NMT2: variants seen among roughly 807,000 people sequenced by gnomAD.
NMT2 encodes the protein N-myristoyltransferase 2.
NMT2 carries 35 observed loss-of-function variants against 65.4 expected under a neutral mutation model. That is an observed-to-expected ratio of 0.54 (90% CI 0.41 to 0.71). The LOEUF (loss-of-function observed/expected upper bound fraction) is 0.71. NMT2 is among the 30% of genes least tolerant of loss of function. NMT2 has a pLI of 0.00. For synonymous variants in NMT2, 226 were observed against 231.8 expected (o/e 0.98, Z 0.23); for missense variants, 489 against 611.3 (o/e 0.80, Z 2.11).
intron 1 of NMT2, among the ~76,000 whole-genome samples, chr10:15,168,022 T>C (rs1833432787): frequency 1.3e-5 from 2 of 152,152 alleles, no homozygotes; most frequent in South Asian, 4.1e-4. Flanking sequence ...ACCCACGTCT[T>C]TGCCCATTCT....
chr10:15,115,621 A>T (rs1845717662), intron 9 of NMT2, among the ~76,000 whole-genome samples: 1 of 152,214 alleles, frequency 6.6e-6, no homozygotes, highest in Non-Finnish European at 1.5e-5. Context: ...CTTTTATGTA[A>T]GTGGTCTAAA....
At chr10:15,136,528 C>G (rs556011454) in intron 2 of NMT2, among the ~76,000 whole-genome samples, 13 of 151,944 alleles carry the variant, frequency 8.6e-5, no homozygotes, top group African/African-American at 3.1e-4. Context: ...AATCTGAACT[C>G]AGTGCTGAAC....
intron 1 of NMT2, among the ~76,000 whole-genome samples, chr10:15,164,702 G>T (rs572534536): frequency 5.5e-4 from 84 of 152,278 alleles, no homozygotes; most frequent in African/African-American, 2.0e-3. Context: ...AAAGATCCTT[G>T]AGCATCTTAA....
intron 1 of NMT2, among the ~76,000 whole-genome samples, chr10:15,156,788 C>A (rs1833015077): frequency 6.6e-6 from 1 of 151,894 alleles, no homozygotes; most frequent in Admixed American, 6.6e-5. Flanking sequence ...CCCAGCTACT[C>A]AGGAGGCTGA....
At chr10:15,131,646 G>A (rs1169451128) in intron 6 of NMT2, among the ~76,000 whole-genome samples, 1 of 152,138 alleles carries the variant, frequency 6.6e-6, no homozygotes, top group Non-Finnish European at 1.5e-5. Flanking sequence ...TCCTGGTTCT[G>A]TTTCCAGGTA....
intron 1 of NMT2, 75 bp from the exon 2 acceptor site, chr10:15,141,632 A>G (rs1846770051): frequency 1.3e-6 from 2 of 1,482,364 alleles, no homozygotes; most frequent in Non-Finnish European, 1.8e-6. Flanking sequence ...GCATACAATT[A>G]ATCATTTCAA....
chr10:15,136,177 C>T lies in NMT2; in HGVS notation c.247-759G>A, dbSNP rs181314097. On this transcript the variant is annotated intron_variant, in intron 2 of 11. Transcript: ENST00000378165. The stretch of plus-strand genomic sequence containing the variant: ...TGGAGGTTGCAGTGAGCTGAGATCG[C>T]GCCATTGCACTCCAGCCTGGGTGAC... Among the ~76,000 whole-genome samples, 680 of 147,072 alleles carry T rather than the reference C, an allele frequency of 4.6e-3. 5 individuals carry two copies. The highest frequency in any genetic ancestry group is 0.015 in the African/African-American group (605 of 39,598).
intron 2 of NMT2, among the ~76,000 whole-genome samples, chr10:15,136,044 A>G (rs1284117911): frequency 6.6e-6 from 1 of 152,084 alleles, no homozygotes; most frequent in East Asian, 1.9e-4. Flanking sequence ...CCTGGCCAAC[A>G]CGGTGAAACC....
intron 1 of NMT2, among the ~76,000 whole-genome samples, chr10:15,158,923 C>A (rs1177656921): frequency 6.6e-6 from 1 of 152,150 alleles, no homozygotes; most frequent in East Asian, 1.9e-4. Context: ...CTATTTACCC[C>A]CCAAAGGTGC....
At chr10:15,144,591 C>A (rs923890585) in intron 1 of NMT2, among the ~76,000 whole-genome samples, 1 of 152,074 alleles carries the variant, frequency 6.6e-6, no homozygotes, top group Non-Finnish European at 1.5e-5. Context: ...ATTTGCTGGG[C>A]GTGGTGGCGG....
intron 1 of NMT2, among the ~76,000 whole-genome samples, chr10:15,145,874 G>A (rs1426046295): frequency 6.6e-6 from 1 of 152,146 alleles, no homozygotes; most frequent in Non-Finnish European, 1.5e-5. Flanking sequence ...GGAGGGAGAC[G>A]CATGACAGAA....
intron 2 of NMT2, 148 bp from the exon 3 acceptor site, chr10:15,135,566 T>G: frequency 1.3e-6 from 1 of 745,550 alleles, no homozygotes; most frequent in Non-Finnish European, 2.2e-6. Flanking sequence ...GGCTTGTGTG[T>G]TACACATGAA....
chr10:15,106,709 C>T lies in NMT2; in HGVS notation c.*2486G>A. On this transcript the variant is annotated 3_prime_UTR_variant, in exon 12 of 12. Coordinates refer to ENST00000378165, the MANE Select transcript of NMT2 (RefSeq NM_004808.3). ...AGGTCAACAAACTTTCTGTAAAAGA[C>T]CAGAGAGTGAATATCTTAGGCTTTG... 2.1e-6 allele frequency: 2 copies of T among 939,278 alleles called. No homozygotes were observed. Among genetic ancestry groups the T allele is most frequent in the Non-Finnish European group, 2.5e-6 (2 of 787,748 alleles). 58.2% of individuals were successfully genotyped at this position (939,278 alleles called of 1,614,324 possible).
At chr10:15,132,791 C>T in intron 6 of NMT2, 26 bp downstream of exon 6, 2 of 1,478,352 alleles carry the variant, frequency 1.4e-6, no homozygotes, top group Non-Finnish European at 1.9e-6. Context: ...CATATAAAAA[C>T]CGCATGGACG....
At position 15,112,871 on chromosome 10, in the gene NMT2, G is replaced by A. The variant is rs142633286; in HGVS notation, c.1263C>T (p.Ala421=). 1 of 1,614,130 alleles carries A rather than the reference G, an allele frequency of 6.2e-7. No individual in the cohort carries two copies. The highest frequency in any genetic ancestry group is 1.1e-5 in the South Asian group (1 of 91,082). ...CTGTGTGGATGTTGTAGAATGAGTA[G>A]GCGGCTTTGAGGCTCTTGTGAGCAG... ...HHPAHKSLKA[A]YSFYNIHTET... Residue 421 remains alanine (A), a synonymous_variant, in exon 10 of 12, where the codon GCC becomes GCT. Transcript: ENST00000378165.
intron 9 of NMT2, among the ~76,000 whole-genome samples, chr10:15,117,786 G>A (rs1209747490): frequency 2.0e-5 from 3 of 152,032 alleles, no homozygotes; most frequent in South Asian, 2.1e-4. Context: ...CATTATAATC[G>A]CCCCAAAGAA....
rs561955142 is a variant in NMT2, at chr10:15,112,772, C to T, written c.1338+24G>A. On this transcript the variant is annotated intron_variant, in intron 10 of 11. Transcript: ENST00000378165. Reference sequence around the variant, plus strand: ...CACAGACATTTGGAGAACCAAACGGCGTGAACAGGAAGGAGTGGCTTACCG... The same window carrying T: ...CACAGACATTTGGAGAACCAAACGGTGTGAACAGGAAGGAGTGGCTTACCG... 3.1e-5 allele frequency: 49 copies of T among 1,588,850 alleles called. No homozygotes were observed. The South Asian group carries it at 4.2e-4, about 14-fold the overall frequency.
chr10:15,158,399 A>C (rs959038550), intron 1 of NMT2, among the ~76,000 whole-genome samples: 6 of 152,168 alleles, frequency 3.9e-5, no homozygotes, highest in African/African-American at 1.4e-4. Context: ...GGCCCTATAT[A>C]GCAGACCAAA....
intron 10 of NMT2, among the ~76,000 whole-genome samples, 158 bp from the exon 11 acceptor site, chr10:15,109,997 T>C (rs1227115293): frequency 1.3e-5 from 2 of 152,202 alleles, no homozygotes; most frequent in Non-Finnish European, 2.9e-5. Context: ...CAGGGCCGGA[T>C]GCTGTGGCTC....
Sources: gnomAD v4.1 joint callset for allele counts (sites outside exome capture counted in the v4.1 genomes callset) on GRCh38, gnomAD v4.1.1 for gene constraint, MANE v1.5 for transcripts, NCBI Gene and HGNC (gene_info 2026-07-23, HGNC 2026-07-21) for gene names.